INSR: variants seen among roughly 807,000 people sequenced by gnomAD.
The protein encoded by INSR is IR.
In INSR, 67 loss-of-function variants were observed where a neutral mutation model predicts 142.6. That is an observed-to-expected ratio of 0.47 (90% confidence interval 0.39 to 0.58). The LOEUF is 0.58. Among genes scored for constraint, INSR ranks in the 20% least tolerant of loss-of-function variants. INSR has a pLI of 0.00. For synonymous variants in INSR, 756 were observed against 743.1 expected, an observed-to-expected ratio of 1.02 and a Z score of -0.28; for missense variants, 1,248 against 1,833.2, an observed-to-expected ratio of 0.68 and a Z score of 5.83.
rs184875811 is a variant in INSR at position 7,270,028 on chromosome 19, T to C, written c.101-2132A>G. ...CCCAGGCTGAAGTGCAGTGCCGTGA[T>C]CTTGGCTCACTGCAACCTCCACCTC... is the stretch of plus-strand genomic sequence containing the variant. On this transcript the variant is annotated intron_variant, in intron 1 of 21. Coordinates refer to ENST00000302850, the MANE Select transcript of INSR (RefSeq NM_000208.4). Among the ~76,000 whole-genome samples, 317 of 152,246 alleles carry C rather than the reference T, an allele frequency of 2.1e-3. 2 individuals carry two copies. Among genetic ancestry groups the C allele is most frequent in the African/African-American group, 7.4e-3 (306 of 41,540 alleles).
chr19:7,261,491 T>A (rs1042714124), intron 2 of INSR, among the ~76,000 whole-genome samples: 3 of 152,120 alleles, frequency 2.0e-5, no homozygotes, highest in African/African-American at 7.2e-5. Context: ...CATTAGCACA[T>A]GCCATGTTTT....
chr19:7,209,629 G>A (rs1403607778), intron 2 of INSR, among the ~76,000 whole-genome samples: 2 of 151,646 alleles, frequency 1.3e-5, no homozygotes, highest in South Asian at 2.1e-4. Context: ...GCCCAGGCTG[G>A]TCTCGAACTC....
At position 7,150,469 on chromosome 19, in the gene INSR, C is replaced by G; in HGVS notation, c.2267+28G>C. ...CGCCGCCGGCCCTGCGCGGAGCAGG[C>G]ACCAGGGGTCGCACAGGTGAGTCAT... On this transcript the variant is annotated intron_variant, in intron 11 of 21. Transcript: ENST00000302850. This position sits in a 1 kb window ranked among gnomAD's most constrained non-coding sequence, Gnocchi z 4.2. The G allele has an allele frequency of 6.2e-7, 1 of 1,612,122 alleles. No individual in the cohort carries two copies. The highest frequency in any genetic ancestry group is 8.5e-7 in the Non-Finnish European group (1 of 1,178,264).
At chr19:7,239,880 TCA>T (rs2145147862) in intron 2 of INSR, among the ~76,000 whole-genome samples, 1 of 152,256 alleles carries the variant, frequency 6.6e-6, no homozygotes, top group East Asian at 1.9e-4. Flanking sequence ...GCAATTGGAA[TCA>T]CAATCACAAA....
chr19:7,282,133 G>A (rs1354704868), intron 1 of INSR, among the ~76,000 whole-genome samples: 2 of 152,130 alleles, frequency 1.3e-5, no homozygotes, highest in East Asian at 3.9e-4. Context: ...GGGAGGCCGA[G>A]GTGGGTGGAT....
chr19:7,163,079 C>A lies in INSR; in HGVS notation c.1982G>T (p.Arg661Met), dbSNP rs868567520. 5.0e-6 allele frequency: 8 copies of A among 1,614,042 alleles called. No individual in the cohort carries two copies. In the Middle Eastern group the frequency reaches 1.3e-3, roughly 267 times the overall value. Residue 661 changes from arginine (R) to methionine (M), a missense_variant, in exon 9 of 22, where the codon AGG becomes ATG. Coordinates refer to ENST00000302850, the MANE Select transcript of INSR (RefSeq NM_000208.4). ...NITHYLVFWERQAEDSELFEL... is the reference protein window; with the variant it reads ...NITHYLVFWEMQAEDSELFEL... ...GAACAGCTCACTGTCTTCCGCCTGCCTCTCCCAGAAAACCAGGTAGTGGGT... is the reference window on the plus strand; with the variant it reads ...GAACAGCTCACTGTCTTCCGCCTGCATCTCCCAGAAAACCAGGTAGTGGGT...
intron 13 of INSR, among the ~76,000 whole-genome samples, chr19:7,134,553 T>C (rs1407553402): frequency 6.6e-6 from 1 of 151,486 alleles, no homozygotes; most frequent in Non-Finnish European, 1.5e-5. Flanking sequence ...GATCACGAGG[T>C]CAAGAGATTG....
At chr19:7,128,994 G>T in intron 14 of INSR, 40 bp from the exon 15 acceptor site, 1 of 1,503,632 alleles carries the variant, frequency 6.7e-7, no homozygotes. Context: ...ATATCAATGT[G>T]TTTCCAACAA....
At chr19:7,206,415 G>A (rs1975105204) in intron 2 of INSR, among the ~76,000 whole-genome samples, 1 of 152,140 alleles carries the variant, frequency 6.6e-6, no homozygotes, top group Admixed American at 6.6e-5. Context: ...TAGGAACCAG[G>A]CTGCACAGCA....
Position 7,185,841 on chromosome 19 carries a change from CAAAAAAA to C in INSR, c.653-1211_653-1205del, listed in dbSNP as rs754262409. 4.0e-4 allele frequency among the ~76,000 whole-genome samples: 18 copies of C among 45,052 alleles called. 1 individual carries two copies. The highest frequency in any genetic ancestry group is 2.2e-3 in the Admixed American group (7 of 3,180). The allele number at this position is 45,052 out of a possible 152,430, so 29.6% of individuals were successfully genotyped here. ...CTGGGCAACAAGTGCAAAATTCTGT[CAAAAAAA>C]AAAAAAAAAAAGAGAGAGAGAGACA... On this transcript the variant is annotated intron_variant, in intron 2 of 21. Transcript: ENST00000302850.
At chr19:7,175,489 G>A (rs540666279) in intron 3 of INSR, among the ~76,000 whole-genome samples, 1 of 152,212 alleles carries the variant, frequency 6.6e-6, no homozygotes, top group Admixed American at 6.5e-5. Flanking sequence ...GCATCCCTAG[G>A]CTCCACTCAC....
rs1973891242 is a variant in INSR at position 7,166,415 on chromosome 19, A to G, written c.1611-11T>C. 1 of 1,613,372 alleles carries G rather than the reference A, an allele frequency of 6.2e-7. No individual in the cohort carries two copies. The highest frequency in any genetic ancestry group is 1.7e-5 in the Admixed American group (1 of 59,926). ...ACATTCTGATAAGGGCTTTCAAGACAAAACAGCAGAAGGCAGTTACCCTTA... is the reference window on the plus strand; with the variant it reads ...ACATTCTGATAAGGGCTTTCAAGACGAAACAGCAGAAGGCAGTTACCCTTA... On this transcript the variant is annotated splice_polypyrimidine_tract_variant and intron_variant, in intron 7 of 21. Transcript: ENST00000302850. The surrounding 1 kb of genome is among the most constrained non-coding windows in gnomAD (Gnocchi z 4.1).
chr19:7,207,948 G>GGAAGGAAGGAAGGAAGGGAGGGAGGGAA (rs1375255118), intron 2 of INSR, among the ~76,000 whole-genome samples: 2 of 124,102 alleles, frequency 1.6e-5, no homozygotes, highest in African/African-American at 7.0e-5. Flanking sequence ...AAGGGAAGGA[G>GGAAGGAAGGAAGGAAGGGAGGGAGGGAA]GGAGGGAGGG....
intron 11 of INSR, among the ~76,000 whole-genome samples, chr19:7,146,345 G>T (rs190479860): frequency 1.3e-5 from 2 of 150,436 alleles, no homozygotes; most frequent in Admixed American, 1.3e-4. Context: ...AGGTTCAAGC[G>T]ATTCTCCTGG....
chr19:7,160,130 C>T (rs1277995311), intron 9 of INSR, among the ~76,000 whole-genome samples: 1 of 151,964 alleles, frequency 6.6e-6, no homozygotes, highest in South Asian at 2.1e-4. Context: ...AAGATCCCCA[C>T]CTCTAAAAAA....
At chr19:7,126,738 T>A in intron 15 of INSR, 87 bp from the exon 16 acceptor site, 1 of 1,187,290 alleles carries the variant, frequency 8.4e-7, no homozygotes, top group South Asian at 1.3e-5. Context: ...CCAAGGCAAA[T>A]GGCAGCCCTT....
chr19:7,268,253 G>T (rs774272578), intron 1 of INSR, among the ~76,000 whole-genome samples: 22 of 152,026 alleles, frequency 1.4e-4, no homozygotes, highest in Non-Finnish European at 2.8e-4. Flanking sequence ...CAACATAGAA[G>T]ATCTTCAGGA....
chr19:7,196,518 A>G (rs1406682570), intron 2 of INSR, among the ~76,000 whole-genome samples: 1 of 152,212 alleles, frequency 6.6e-6, no homozygotes, highest in Non-Finnish European at 1.5e-5. Context: ...GCAGCGCTGC[A>G]TTGTTAAATG....
chr19:7,274,098 G>A (rs1439249852), intron 1 of INSR, among the ~76,000 whole-genome samples: 1 of 152,002 alleles, frequency 6.6e-6, no homozygotes, highest in African/African-American at 2.4e-5. Flanking sequence ...TGGCACCAGG[G>A]ACCAATGGTA....
Sources: allele counts gnomAD v4.1 joint callset (sites outside exome capture counted in the v4.1 genomes callset), GRCh38; gene constraint gnomAD v4.1.1; non-coding constraint Gnocchi (gnomAD v3.1); transcripts MANE v1.5; gene names NCBI Gene and HGNC (gene_info 2026-07-23, HGNC 2026-07-21).